RUNX1: variants seen among roughly 807,000 people sequenced by gnomAD.
RUNX1 encodes RUNX family transcription factor 1.
A neutral mutation model predicts 42.8 loss-of-function variants in RUNX1; 19 were observed. The ratio of observed to expected loss-of-function variants is 0.44; its 90% CI spans 0.31 to 0.65. RUNX1 has a LOEUF of 0.65. RUNX1 is among the 30% of genes least tolerant of loss of function. The probability of loss-of-function intolerance (pLI) is 0.07; values close to 1 mark genes in which losing one functional copy is unlikely to be tolerated. For synonymous variants in RUNX1, 271 were observed against 289.4 expected (o/e 0.94, Z 0.64); for missense variants, 528 against 672.0 (o/e 0.79, Z 2.37).
At chr21:35,043,798 C>T (rs1005884326) in intron 2 of RUNX1, among the ~76,000 whole-genome samples, 4 of 152,136 alleles carry the variant, frequency 2.6e-5, no homozygotes, top group Non-Finnish European at 4.4e-5. Context: ...CAAGACAAGC[C>T]ATCAAAGCTA....
chr21:34,933,139 C>T (rs1163467098), intron 2 of RUNX1, among the ~76,000 whole-genome samples: 1 of 152,156 alleles, frequency 6.6e-6, no homozygotes, highest in Non-Finnish European at 1.5e-5. Flanking sequence ...CAAAGCTATA[C>T]ACACAGGACA....
At chr21:35,041,507 T>C (rs375492285) in intron 2 of RUNX1, among the ~76,000 whole-genome samples, 1 of 152,232 alleles carries the variant, frequency 6.6e-6, no homozygotes, top group East Asian at 1.9e-4. Flanking sequence ...GGGAGGGCAG[T>C]GCTGCATACA....
intron 2 of RUNX1, among the ~76,000 whole-genome samples, chr21:34,968,696 C>G (rs954652226): frequency 1.3e-5 from 2 of 152,064 alleles, no homozygotes; most frequent in African/African-American, 4.8e-5. Flanking sequence ...AACATTCCAA[C>G]TCTGCTTGAG....
chr21:34,877,211 T>C (rs1355063318), intron 5 of RUNX1, among the ~76,000 whole-genome samples: 1 of 152,152 alleles, frequency 6.6e-6, no homozygotes, highest in Non-Finnish European at 1.5e-5. Flanking sequence ...TGATACACTT[T>C]CTTGTCATTC....
intron 2 of RUNX1, among the ~76,000 whole-genome samples, chr21:35,020,747 A>C (rs532922351): frequency 5.9e-4 from 90 of 152,260 alleles, no homozygotes; most frequent in African/African-American, 2.0e-3. Flanking sequence ...GCAAGTGAGA[A>C]TCTTGATTAG....
At position 34,799,253 on chromosome 21, in the gene RUNX1, C is replaced by T. The variant is rs780855545; in HGVS notation, c.967+48G>A. On this transcript the variant is annotated intron_variant, in intron 8 of 8. Transcript: ENST00000675419. Reference sequence around the variant, plus strand: ...CTTCATGCACCTCTAGTCTCCTGGACCTTCCACCCCAGCTCAGCTGCAAAG... The same window carrying T: ...CTTCATGCACCTCTAGTCTCCTGGATCTTCCACCCCAGCTCAGCTGCAAAG... 11 of 1,607,158 alleles carry T rather than the reference C, an allele frequency of 6.8e-6. No individual in the cohort carries two copies. In the South Asian group the frequency reaches 1.2e-4, roughly 18 times the overall value.
At chr21:34,989,104 G>A (rs534680458) in intron 2 of RUNX1, among the ~76,000 whole-genome samples, 3 of 151,572 alleles carry the variant, frequency 2.0e-5, no homozygotes, top group East Asian at 3.9e-4. Context: ...CACCTTCCAC[G>A]TTCAAGCGAT....
chr21:34,859,638 G>C, intron 5 of RUNX1, 60 bp from the exon 6 acceptor site: 1 of 1,259,922 alleles, frequency 7.9e-7, no homozygotes, highest in East Asian at 2.3e-5. Flanking sequence ...CATATCTGTT[G>C]AATAACCAAT....
chr21:34,984,038 A>G (rs2058866677), intron 2 of RUNX1, among the ~76,000 whole-genome samples: 1 of 152,198 alleles, frequency 6.6e-6, no homozygotes, highest in South Asian at 2.1e-4. Flanking sequence ...TCAATTGAAA[A>G]TAAGGCCAGC....
intron 2 of RUNX1, among the ~76,000 whole-genome samples, chr21:35,029,935 C>T (rs549175723): frequency 6.6e-6 from 1 of 152,304 alleles, no homozygotes; most frequent in Admixed American, 6.5e-5. Context: ...TGGCATCTGC[C>T]TACTGGATGT....
At chr21:34,841,866 C>T (rs1296010875) in intron 6 of RUNX1, among the ~76,000 whole-genome samples, 1 of 152,196 alleles carries the variant, frequency 6.6e-6, no homozygotes, top group Non-Finnish European at 1.5e-5. Context: ...CTCCATAGCA[C>T]ATGTTAATGT....
rs530843646 is a variant in RUNX1, at chr21:34,994,657, C to T, written c.58+54185G>A. On this transcript the variant is annotated intron_variant, in intron 2 of 8. Coordinates refer to ENST00000675419, the MANE Select transcript of RUNX1 (RefSeq NM_001754.5). ...TAGGTACCTACATTTACGGGTACTACGTACCCGTAAAAATTGAAAATTAAA... is the reference window on the plus strand; with the variant it reads ...TAGGTACCTACATTTACGGGTACTATGTACCCGTAAAAATTGAAAATTAAA... Among the ~76,000 whole-genome samples the T allele has an allele frequency of 2.2e-3, 327 of 150,620 alleles. 4 individuals are homozygous for T. Among genetic ancestry groups the T allele is most frequent in the Non-Finnish European group, 1.1e-3 (73 of 67,950 alleles).
chr21:34,867,242 T>TA (rs1003289272), intron 5 of RUNX1, among the ~76,000 whole-genome samples: 28 of 150,834 alleles, frequency 1.9e-4, no homozygotes, highest in Non-Finnish European at 1.0e-4. Context: ...ACCAAAAATA[T>TA]AAAAAATAAA....
rs1392024762 is a variant in RUNX1 at position 34,843,012 on chromosome 21, A to G, written c.614-8411T>C. ...TAGAACCCAGGAGGCAGAAGTTGCA[A>G]TGAGCCAAGATCATGCCAGTGCACT... is the stretch of plus-strand genomic sequence containing the variant. On this transcript the variant is annotated intron_variant, in intron 6 of 8. Transcript: ENST00000675419. The surrounding 1 kb of genome is among the most constrained non-coding windows in gnomAD (Gnocchi z 4.8). Among the ~76,000 whole-genome samples the G allele has an allele frequency of 6.6e-6, 1 of 152,124 alleles. No individual in the cohort carries two copies. The highest frequency in any genetic ancestry group is 1.5e-5 in the Non-Finnish European group (1 of 68,006).
chr21:34,943,486 C>T (rs1374408523), intron 2 of RUNX1, among the ~76,000 whole-genome samples: 3 of 152,140 alleles, frequency 2.0e-5, no homozygotes, highest in Admixed American at 6.5e-5. Context: ...CCAGTTGTTA[C>T]ACCAAAGAAA....
At chr21:35,015,061 A>G (rs964965424) in intron 2 of RUNX1, among the ~76,000 whole-genome samples, 3 of 152,224 alleles carry the variant, frequency 2.0e-5, no homozygotes, top group Admixed American at 1.3e-4. Context: ...AAAACAGCTG[A>G]TGGAGAAGAG....
intron 2 of RUNX1, among the ~76,000 whole-genome samples, chr21:34,930,719 T>TCA (rs67114485): frequency 0.013 from 1,848 of 140,560 alleles, 29 homozygotes; most frequent in African/African-American, 0.031. Context: ...TCTCTCTCTC[T>TCA]CACACACACA....
At chr21:35,002,973 C>A (rs1046112776) in intron 2 of RUNX1, among the ~76,000 whole-genome samples, 1 of 152,202 alleles carries the variant, frequency 6.6e-6, no homozygotes, top group Non-Finnish European at 1.5e-5. Context: ...TTTCGCCTCA[C>A]ATTTTCCTTA....
At chr21:34,876,104 G>A (rs929097714) in intron 5 of RUNX1, among the ~76,000 whole-genome samples, 4 of 152,172 alleles carry the variant, frequency 2.6e-5, no homozygotes, top group Non-Finnish European at 4.4e-5. Context: ...GAAACTCAAC[G>A]CCATCCTGAC....
Sources: allele counts gnomAD v4.1 joint callset (sites outside exome capture counted in the v4.1 genomes callset), GRCh38; gene constraint gnomAD v4.1.1; non-coding constraint Gnocchi (gnomAD v3.1); transcripts MANE v1.5; gene names NCBI Gene and HGNC (gene_info 2026-07-23, HGNC 2026-07-21).